The following PPIG variants were observed in gnomAD, a reference collection of about 807,000 sequenced individuals.
PPIG encodes peptidyl-prolyl cis-trans isomerase G.
Under a neutral mutation model 87.9 loss-of-function variants are expected in PPIG, and 26 were observed. The ratio of observed to expected loss-of-function variants is 0.30; its 90% CI spans 0.22 to 0.41. The LOEUF (loss-of-function observed/expected upper bound fraction) is 0.41. Among genes scored for constraint, PPIG ranks in the 10% least tolerant of loss-of-function variants. The pLI is 1.00. For missense variants in PPIG, 722 were observed against 879.4 expected (o/e 0.82, Z 2.26); for synonymous variants, 308 against 276.5 (o/e 1.11, Z -1.13).
At chr2:169,626,596 G>A (rs556419950) in intron 9 of PPIG, among the ~76,000 whole-genome samples, 74 of 152,252 alleles carry the variant, frequency 4.9e-4, no homozygotes, top group Middle Eastern at 6.8e-3. Context: ...CACCATGTGG[G>A]CCAGGCTGGT....
At chr2:169,606,591 CAAA>C (rs71006009) in intron 5 of PPIG, among the ~76,000 whole-genome samples, 7 of 85,022 alleles carry the variant, frequency 8.2e-5, no homozygotes, top group Non-Finnish European at 6.3e-5. Context: ...GACTCTGTCT[CAAA>C]AAAAAAAAAA....
rs1686101886 is a variant in PPIG, at chr2:169,633,168, C to G, written c.938C>G (p.Pro313Arg). ...TGTTTGCTTCCTTCTAGTAATCCACCTAACTCCCAGCCTGCTTCATACCAG... is the reference window on the plus strand; with the variant it reads ...TGTTTGCTTCCTTCTAGTAATCCACGTAACTCCCAGCCTGCTTCATACCAG... ...ERERERECNPPNSQPASYQRR... is the reference protein window; with the variant it reads ...ERERERECNPRNSQPASYQRR... The change falls in exon 12 of 14, where the codon CCT (proline) becomes CGT (arginine). Residue 313 changes from proline (P) to arginine (R), a missense_variant. Pro to Arg is a moderately radical substitution (Grantham distance 103). This residue lies in a region of PPIG where 5 missense variants were observed against 27.7 expected (regional missense o/e 0.18). Transcript: ENST00000260970. 1 of 1,606,480 alleles carries G rather than the reference C, an allele frequency of 6.2e-7. No homozygotes were observed. Among genetic ancestry groups the G allele is most frequent in the Admixed American group, 1.7e-5 (1 of 59,964 alleles).
chr2:169,615,543 C>T (rs1574454027), intron 9 of PPIG, among the ~76,000 whole-genome samples: 2 of 152,180 alleles, frequency 1.3e-5, no homozygotes, highest in East Asian at 3.8e-4. Flanking sequence ...TTTTAGATTC[C>T]ACATGTAAGT....
intron 5 of PPIG, among the ~76,000 whole-genome samples, chr2:169,606,895 C>T (rs1222865950): frequency 1.6e-4 from 25 of 152,028 alleles, no homozygotes; most frequent in Admixed American, 1.6e-3. Flanking sequence ...TAATAGTCTT[C>T]GTCACATTCT....
At position 169,637,536 on chromosome 2, in the gene PPIG, A is replaced by G; in HGVS notation, c.*13A>G. The G allele has an allele frequency of 6.5e-7, 1 of 1,536,248 alleles. No homozygotes were observed. Among genetic ancestry groups the G allele is most frequent in the Non-Finnish European group, 8.7e-7 (1 of 1,150,584 alleles). On this transcript the variant is annotated 3_prime_UTR_variant, in exon 14 of 14. Transcript: ENST00000260970. ...CAAAAGCGGATGAGTGAGTTATATA[A>G]ACTTACTTCCATTCTGTTTCGGATT... is the stretch of plus-strand genomic sequence containing the variant.
intron 1 of PPIG, among the ~76,000 whole-genome samples, chr2:169,587,016 C>G (rs1167740632): frequency 1.3e-5 from 2 of 152,132 alleles, no homozygotes; most frequent in Admixed American, 1.3e-4. Context: ...TCACTGCAAC[C>G]TCCACCTCCT....
At chr2:169,616,753 T>C (rs1293474238) in intron 9 of PPIG, among the ~76,000 whole-genome samples, 1 of 152,194 alleles carries the variant, frequency 6.6e-6, no homozygotes, top group Admixed American at 6.5e-5. Flanking sequence ...ATTAGCCCTT[T>C]GTCAGATGGA....
chr2:169,594,337 A>AC (rs1684958620), intron 1 of PPIG, among the ~76,000 whole-genome samples: 1 of 151,084 alleles, frequency 6.6e-6, no homozygotes, highest in Admixed American at 6.6e-5. Flanking sequence ...AAAAAAAAAA[A>AC]CGCATTTTAT....
At position 169,640,425 on chromosome 2, in the gene PPIG, T is replaced by C. The variant is rs1304139028; in HGVS notation, c.*2902T>C. ...ATTCTAATTTATTTTAGTTAGTATA[T>C]GTAGCAAGTTAGTATGTTTGTTAGT... On this transcript the variant is annotated 3_prime_UTR_variant, in exon 14 of 14. Coordinates refer to ENST00000260970, the MANE Select transcript of PPIG (RefSeq NM_004792.3). 6.6e-6 allele frequency: 1 copy of C among 152,210 alleles called. No homozygotes were observed. The highest frequency in any genetic ancestry group is 2.4e-5 in the African/African-American group (1 of 41,458). 9.4% of individuals were successfully genotyped at this position (152,210 alleles called of 1,614,324 possible).
In PPIG at chr2:169,636,884, A is replaced by C; in HGVS notation, c.1626A>C (p.Ala542=). The change falls in exon 14 of 14, where the codon GCA becomes GCC. Residue 542 remains alanine, a synonymous_variant. Transcript: ENST00000260970. ...HSKSKEKDRR[A]QSRSRECDIT... is the part of the protein sequence containing the mutation. ...AAAGTAAGGAAAAGGATAGACGCGC[A>C]CAATCCAGGAGTAGAGAATGTGATA... 1 of 1,613,930 alleles carries C rather than the reference A, an allele frequency of 6.2e-7. No homozygotes were observed. The highest frequency in any genetic ancestry group is 8.5e-7 in the Non-Finnish European group (1 of 1,179,986).
Position 169,604,262 on chromosome 2 carries a change from G to T in PPIG, c.136+1G>T. 2 of 1,595,162 alleles carry T rather than the reference G, an allele frequency of 1.3e-6. No individual in the cohort carries two copies. Among genetic ancestry groups the T allele is most frequent in the Non-Finnish European group, 8.5e-7 (1 of 1,170,954 alleles). ...GAGAACTTTCGTTGTCTTTGTACAG[G>T]TTTGTTCACATTTTCAACTGCCCTA... On this transcript the variant is annotated splice_donor_variant, in intron 4 of 13. Coordinates refer to ENST00000260970, the MANE Select transcript of PPIG (RefSeq NM_004792.3). LOFTEE classifies it high-confidence loss of function.
chr2:169,587,756 G>A (rs916860537), intron 1 of PPIG, among the ~76,000 whole-genome samples: 1 of 152,122 alleles, frequency 6.6e-6, no homozygotes, highest in Non-Finnish European at 1.5e-5. Context: ...GAAAACTTTT[G>A]AACTTTGTTT....
intron 1 of PPIG, among the ~76,000 whole-genome samples, chr2:169,591,191 G>C (rs1684854201): frequency 6.6e-6 from 1 of 151,990 alleles, no homozygotes; most frequent in Admixed American, 6.6e-5. Context: ...TTTTTGTCCT[G>C]TTTTTCATTT....
chr2:169,632,747 A>AAATAAT (rs60752395), intron 11 of PPIG, among the ~76,000 whole-genome samples: 83,614 of 149,362 alleles, frequency 0.56, 23,650 homozygotes, highest in South Asian at 0.63. Context: ...TCCGTCTCAA[A>AAATAAT]AATAATAATA....
intron 4 of PPIG, among the ~76,000 whole-genome samples, chr2:169,605,181 A>G (rs543599760): frequency 2.5e-4 from 38 of 152,242 alleles, no homozygotes; most frequent in Non-Finnish European, 4.4e-4. Flanking sequence ...TGAAAAAATA[A>G]AAATTAGCCA....
intron 1 of PPIG, among the ~76,000 whole-genome samples, chr2:169,598,004 CTTT>C (rs72191282): frequency 2.1e-5 from 3 of 139,620 alleles, no homozygotes; most frequent in Non-Finnish European, 1.6e-5. Context: ...CCTGGGCAAC[CTTT>C]TTTTTTTTTT....
intron 6 of PPIG, among the ~76,000 whole-genome samples, chr2:169,608,064 T>TA (rs1379187207): frequency 2.0e-5 from 3 of 152,236 alleles, no homozygotes; most frequent in African/African-American, 7.2e-5. Flanking sequence ...TTCATTTTTT[T>TA]ATTTAAATAA....
At chr2:169,611,708 A>G (rs1184240590) in intron 7 of PPIG, among the ~76,000 whole-genome samples, 1 of 152,166 alleles carries the variant, frequency 6.6e-6, no homozygotes, top group Non-Finnish European at 1.5e-5. Context: ...TTTAAATAAA[A>G]TCTTTCCTGC....
intron 1 of PPIG, 47 bp downstream of exon 1, chr2:169,584,537 G>C (rs1236160447): frequency 4.3e-6 from 2 of 468,506 alleles, no homozygotes; most frequent in East Asian, 1.4e-4. Flanking sequence ...CATTTCAGCA[G>C]TCCCTGCGTA....
Sources: gnomAD v4.1 joint callset for allele counts (sites outside exome capture counted in the v4.1 genomes callset) on GRCh38, gnomAD v4.1.1 for gene constraint, gnomAD v4.1.1 regional missense constraint, MANE v1.5 for transcripts, NCBI Gene and HGNC (gene_info 2026-07-23, HGNC 2026-07-21) for gene names.